Variants in THBS4 observed in about 807,000 individuals in gnomAD.
THBS4 encodes the protein thrombospondin-4.
In THBS4, 90 loss-of-function variants were observed where a neutral mutation model predicts 115.7. The ratio of observed to expected loss-of-function variants is 0.78; its 90% confidence interval spans 0.66 to 0.93. THBS4 has a LOEUF of 0.93. Ranked by LOEUF, THBS4 falls within the 40% of genes least tolerant of loss-of-function variation. The pLI is 0.00. For missense variants in THBS4, 1,087 were observed against 1,232.7 expected (o/e 0.88, Z 1.77); for synonymous variants, 460 against 479.3 (o/e 0.96, Z 0.53).
At chr5:80,006,788 A>G (rs1348848185) in intron 2 of THBS4, among the ~76,000 whole-genome samples, 2 of 152,202 alleles carry the variant, frequency 1.3e-5, no homozygotes, top group Non-Finnish European at 2.9e-5. Context: ...AATGGGTACA[A>G]TGTATGTTAT....
In THBS4 at chr5:80,079,313, TTC is replaced by T; in HGVS notation, c.2511+56_2511+57del. The T allele has an allele frequency of 2.0e-6, 3 of 1,512,690 alleles. No homozygotes were observed. The East Asian group carries it at 6.8e-5, about 34-fold the overall frequency. The allele number at this position is 1,512,690 out of a possible 1,614,324, so 93.7% of individuals were successfully genotyped here. A position where few individuals can be genotyped will look rare whatever the true frequency, so the allele number is the denominator to read the frequency against. On this transcript the variant is annotated intron_variant, in intron 19 of 21. Coordinates refer to ENST00000350881, the MANE Select transcript of THBS4 (RefSeq NM_003248.6). ...CTTTCTTCTGGACCTCTCATCTTTTTTCAGATATTGTGTTTTCCCATGTGGTA... is the reference window on the plus strand; with the variant it reads ...CTTTCTTCTGGACCTCTCATCTTTTTAGATATTGTGTTTTCCCATGTGGTA...
At position 80,079,219 on chromosome 5, in the gene THBS4, C is replaced by T; in HGVS notation, c.2472C>T (p.Thr824=). ...KQTEQTYWQA[T]PFRAVAEPGI... ...CGGAGCAGACATATTGGCAAGCCAC[C>T]CCATTCCGAGCAGTTGCAGAACCTG... The change falls in exon 19 of 22, where the codon ACC becomes ACT. Residue 824 remains threonine, a synonymous_variant. Transcript: ENST00000350881. The T allele has an allele frequency of 6.2e-7, 1 of 1,613,814 alleles. No individual in the cohort carries two copies.
intron 9 of THBS4, among the ~76,000 whole-genome samples, chr5:80,066,164 G>T (rs1269014603): frequency 6.6e-6 from 1 of 151,928 alleles, no homozygotes; most frequent in Non-Finnish European, 1.5e-5. Flanking sequence ...AGCACTTAGG[G>T]ATGCCTATAA....
rs760330965 is a variant in THBS4 at position 80,082,471 on chromosome 5, G to A, written c.2750G>A (p.Arg917His). The stretch of plus-strand genomic sequence containing the variant: ...GGCGTCACCATAGACACCACAATGC[G>A]TGGAGGCCGACTTGGCGTTTTCTGC... The part of the protein sequence containing the change: ...DSGVTIDTTM[R>H]GGRLGVFCFS... The change falls in exon 21 of 22, where the codon CGT becomes CAT. Residue 917 changes from arginine to histidine, a missense_variant. Around this residue, in one of 3 missense-constraint regions of THBS4, gnomAD observed 103 missense variants for 108.2 expected, o/e 0.95. Transcript: ENST00000350881. 9.3e-6 allele frequency: 15 copies of A among 1,614,112 alleles called. No individual in the cohort carries two copies. The highest frequency in any genetic ancestry group is 5.3e-5 in the African/African-American group (4 of 74,930).
Position 80,083,066 on chromosome 5 carries a change from C to T in THBS4, c.2825-14C>T. 6.2e-7 allele frequency: 1 copy of T among 1,612,770 alleles called. No homozygotes were observed. Among genetic ancestry groups the T allele is most frequent in the Non-Finnish European group, 8.5e-7 (1 of 1,178,808 alleles). On this transcript the variant is annotated splice_polypyrimidine_tract_variant and intron_variant, in intron 21 of 21. Coordinates refer to ENST00000350881, the MANE Select transcript of THBS4 (RefSeq NM_003248.6). ...GGAGCCTCGCTAACCTCCCTGTGCC[C>T]ATTCCTATTGCAGACACCATCCCTG...
chr5:80,055,323 A>T (rs963882746), intron 2 of THBS4, among the ~76,000 whole-genome samples: 2 of 130,722 alleles, frequency 1.5e-5, no homozygotes, highest in African/African-American at 2.7e-5. Flanking sequence ...TCCTGTCTTT[A>T]AAAAAAAAAA....
chr5:80,013,628 C>G (rs1832190296), intron 2 of THBS4, among the ~76,000 whole-genome samples: 1 of 151,912 alleles, frequency 6.6e-6, no homozygotes, highest in African/African-American at 2.4e-5. Flanking sequence ...ATATTTGCAC[C>G]CTGGCCATGT....
At chr5:79,997,417 A>G (rs879504734) in intron 1 of THBS4, among the ~76,000 whole-genome samples, 1 of 152,106 alleles carries the variant, frequency 6.6e-6, no homozygotes, top group African/African-American at 2.4e-5. Flanking sequence ...TATATGAAGG[A>G]CATTACATAA....
At chr5:80,050,505 C>G (rs1368955524) in intron 2 of THBS4, among the ~76,000 whole-genome samples, 1 of 152,116 alleles carries the variant, frequency 6.6e-6, no homozygotes, top group Admixed American at 6.5e-5. Flanking sequence ...AGTGCAGGGT[C>G]TGCAAAATAT....
intron 2 of THBS4, among the ~76,000 whole-genome samples, chr5:80,054,157 TTC>T (rs869083403): frequency 0.027 from 1,676 of 62,254 alleles, 11 homozygotes; most frequent in African/African-American, 0.059. Context: ...TTCTTTTCTT[TTC>T]TTTTTTTTTT....
chr5:80,004,818 A>G (rs1238361732), intron 2 of THBS4, among the ~76,000 whole-genome samples: 2 of 151,792 alleles, frequency 1.3e-5, no homozygotes, highest in African/African-American at 4.8e-5. Flanking sequence ...GCTCACTGCA[A>G]CCTCCGCCTC....
At chr5:80,020,900 CTCT>C (rs1832358681) in intron 2 of THBS4, among the ~76,000 whole-genome samples, 1 of 152,206 alleles carries the variant, frequency 6.6e-6, no homozygotes, top group African/African-American at 2.4e-5. Flanking sequence ...ATGTTGCTTT[CTCT>C]TCTTAGCTTA....
At chr5:79,994,023 A>G (rs1831740834) in intron 1 of THBS4, among the ~76,000 whole-genome samples, 1 of 152,228 alleles carries the variant, frequency 6.6e-6, no homozygotes, top group African/African-American at 2.4e-5. Context: ...CAATCATTTT[A>G]CATTGATACC....
intron 9 of THBS4, 119 bp downstream of exon 9, chr5:80,065,596 G>A: frequency 1.2e-6 from 1 of 847,664 alleles, no homozygotes; most frequent in Non-Finnish European, 1.7e-6. Flanking sequence ...TATTTGATTG[G>A]CAGAATAAAG....
intron 7 of THBS4, among the ~76,000 whole-genome samples, chr5:80,061,361 T>C (rs184781250): frequency 1.2e-3 from 184 of 152,236 alleles, no homozygotes; most frequent in African/African-American, 4.3e-3. Flanking sequence ...AGCTAAGTGG[T>C]CCAGGGACAT....
intron 2 of THBS4, among the ~76,000 whole-genome samples, chr5:80,007,559 C>T (rs139976047): frequency 2.0e-5 from 3 of 152,350 alleles, no homozygotes; most frequent in Middle Eastern, 3.4e-3. Flanking sequence ...GTCTGCAGAA[C>T]GTGGCTACTA....
intron 8 of THBS4, among the ~76,000 whole-genome samples, chr5:80,063,220 C>T (rs1057232929): frequency 3.9e-5 from 6 of 152,150 alleles, no homozygotes; most frequent in African/African-American, 4.8e-5. Context: ...TTTTAATGAT[C>T]GCCATTCTAA....
At chr5:80,001,670 T>C (rs533815689) in intron 2 of THBS4, among the ~76,000 whole-genome samples, 122 of 152,184 alleles carry the variant, frequency 8.0e-4, no homozygotes, top group Non-Finnish European at 1.2e-3. Context: ...AGTAAAAACA[T>C]GGAATAGAGC....
rs1833894617 is a variant in THBS4 at position 80,067,990 on chromosome 5, G to A, written c.1212G>A (p.Gly404=). ...CVNTLGSYRC[G]PCKPGYTGDQ... ...CCTTGCAGGGATCTTACCGCTGTGG[G>A]CCTTGTAAGCCGGGGTATACTGGTG... The change falls in exon 10 of 22, where the codon GGG becomes GGA. Residue 404 remains glycine (G), a synonymous_variant. Transcript: ENST00000350881. The A allele has an allele frequency of 6.2e-7, 1 of 1,614,006 alleles. No homozygotes were observed. Among genetic ancestry groups the A allele is most frequent in the Admixed American group, 1.7e-5 (1 of 59,998 alleles).
Sources: gnomAD v4.1 joint callset for allele counts (sites outside exome capture counted in the v4.1 genomes callset) on GRCh38, gnomAD v4.1.1 for gene constraint, gnomAD v4.1.1 regional missense constraint, MANE v1.5 for transcripts, NCBI Gene and HGNC (gene_info 2026-07-23, HGNC 2026-07-21) for gene names.